Variants in RARB observed in about 807,000 individuals in gnomAD.
RARB encodes HBV-activated protein.
Under a neutral mutation model 51.9 loss-of-function variants are expected in RARB, and 17 were observed. That is an observed-to-expected ratio of 0.33 (90% CI 0.22 to 0.49). The LOEUF (loss-of-function observed/expected upper bound fraction) is 0.49, where lower values mean the gene tolerates loss of function less well. Among genes scored for constraint, RARB ranks in the 20% least tolerant of loss-of-function variants. The pLI, the probability that RARB is intolerant of heterozygous loss-of-function variation, is 0.99. For missense variants in RARB, 369 were observed against 550.8 expected (o/e 0.67, Z 3.30); for synonymous variants, 215 against 195.4 (o/e 1.10, Z -0.84).
chr3:25,171,433 C>A (rs1700642457), intron 4 of RARB, among the ~76,000 whole-genome samples: 3 of 109,068 alleles, frequency 2.8e-5, no homozygotes, highest in Non-Finnish European at 5.2e-5. Context: ...ATTTTCTCGA[C>A]ACATTGATTT....
Position 25,596,732 on chromosome 3 carries a change from A to C in RARB, c.*116A>C. On this transcript the variant is annotated 3_prime_UTR_variant, in exon 8 of 8. Transcript: ENST00000330688. ...TTGGACTGAAAAGATATTAAAACTC[A>C]AGAAGGACCAAGAAGTTTTCATATG... is the stretch of plus-strand genomic sequence containing the variant. The C allele has an allele frequency of 1.1e-6, 1 of 877,476 alleles. No individual in the cohort carries two copies. Among genetic ancestry groups the C allele is most frequent in the Non-Finnish European group, 1.7e-6 (1 of 589,922 alleles). 54.4% of individuals were successfully genotyped at this position (877,476 alleles called of 1,614,324 possible).
intron 3 of RARB, among the ~76,000 whole-genome samples, chr3:25,501,744 G>A (rs964820860): frequency 6.6e-6 from 1 of 152,194 alleles, no homozygotes; most frequent in Non-Finnish European, 1.5e-5. Context: ...TTTTTTAGGA[G>A]GGAAGGATTG....
chr3:25,537,857 A>G (rs1342986893), intron 3 of RARB, among the ~76,000 whole-genome samples: 1 of 152,152 alleles, frequency 6.6e-6, no homozygotes, highest in Admixed American at 6.5e-5. Flanking sequence ...CTCCTCACAG[A>G]CAGACCCCAA....
chr3:25,128,738 C>G (rs939788425), intron 3 of RARB, among the ~76,000 whole-genome samples: 3 of 151,414 alleles, frequency 2.0e-5, no homozygotes. Context: ...ACAGTCCTCT[C>G]AATGAAAACA....
chr3:25,116,023 G>A (rs557830788), intron 3 of RARB, among the ~76,000 whole-genome samples: 2 of 152,230 alleles, frequency 1.3e-5, no homozygotes, highest in Admixed American at 1.3e-4. Flanking sequence ...GTGACTATCT[G>A]CTTTCTTGAC....
At chr3:25,060,698 CAT>C (rs1408421012) in intron 3 of RARB, among the ~76,000 whole-genome samples, 1 of 151,752 alleles carries the variant, frequency 6.6e-6, no homozygotes, top group African/African-American at 2.4e-5. Flanking sequence ...GAAGGGGAAA[CAT>C]AAAGTTTATC....
intron 1 of RARB, among the ~76,000 whole-genome samples, chr3:25,444,591 C>T (rs1481061152): frequency 6.6e-6 from 1 of 152,148 alleles, no homozygotes; most frequent in African/African-American, 2.4e-5. Flanking sequence ...GATCTAAACC[C>T]TCCTTTAGTG....
chr3:25,127,225 G>C (rs781541658), intron 3 of RARB, among the ~76,000 whole-genome samples: 1 of 152,124 alleles, frequency 6.6e-6, no homozygotes, highest in Non-Finnish European at 1.5e-5. Flanking sequence ...ACCCATGACT[G>C]TGGCATACAA....
At chr3:25,022,926 C>T (rs1004833896) in intron 2 of RARB, among the ~76,000 whole-genome samples, 5 of 152,114 alleles carry the variant, frequency 3.3e-5, no homozygotes, top group Non-Finnish European at 5.9e-5. Context: ...AACTAAGGAG[C>T]TTTATATTCA....
At chr3:25,153,683 C>T (rs897538111) in intron 4 of RARB, among the ~76,000 whole-genome samples, 1 of 152,162 alleles carries the variant, frequency 6.6e-6, no homozygotes, top group African/African-American at 2.4e-5. Context: ...GCCTAATATA[C>T]ATTAACAATG....
chr3:24,838,363 A>T (rs960580628), intron 1 of RARB, among the ~76,000 whole-genome samples: 3 of 152,194 alleles, frequency 2.0e-5, no homozygotes, highest in Non-Finnish European at 4.4e-5. Flanking sequence ...TTTGCCATGA[A>T]AGGTAACTTA....
chr3:24,899,438 G>C (rs766103027), intron 2 of RARB, among the ~76,000 whole-genome samples: 1 of 152,120 alleles, frequency 6.6e-6, no homozygotes, highest in African/African-American at 2.4e-5. Flanking sequence ...TTGTGGAAAG[G>C]TTCCGTCACT....
chr3:25,360,967 C>G (rs1559371435), intron 5 of RARB, among the ~76,000 whole-genome samples: 2 of 152,102 alleles, frequency 1.3e-5, no homozygotes, highest in Non-Finnish European at 2.9e-5. Flanking sequence ...TGGAGTTGCT[C>G]TTCTCAAGGA....
At chr3:25,212,806 T>G (rs1407835457) in intron 5 of RARB, among the ~76,000 whole-genome samples, 1 of 152,204 alleles carries the variant, frequency 6.6e-6, no homozygotes, top group Non-Finnish European at 1.5e-5. Flanking sequence ...ATTGTTAGCT[T>G]GAACTCCATT....
At chr3:24,830,541 G>A (rs1481703760) in intron 1 of RARB, among the ~76,000 whole-genome samples, 1 of 151,156 alleles carries the variant, frequency 6.6e-6, no homozygotes, top group East Asian at 2.0e-4. Context: ...TCAGCGCGGG[G>A]TGAGTTTCCC....
chr3:25,025,579 A>G (rs1384308382), intron 2 of RARB, among the ~76,000 whole-genome samples: 1 of 152,182 alleles, frequency 6.6e-6, no homozygotes, highest in Non-Finnish European at 1.5e-5. Context: ...ACAGATAAAC[A>G]TAAGGCCAGG....
chr3:25,021,084 T>G (rs904859456), intron 2 of RARB, among the ~76,000 whole-genome samples: 1 of 152,232 alleles, frequency 6.6e-6, no homozygotes, highest in Non-Finnish European at 1.5e-5. Context: ...AATTATTAGA[T>G]TATGAAAATG....
chr3:25,106,794 AAAG>A (rs1029660700), intron 3 of RARB, among the ~76,000 whole-genome samples: 5 of 152,098 alleles, frequency 3.3e-5, no homozygotes, highest in Non-Finnish European at 7.4e-5. Flanking sequence ...CAGCTATTGA[AAAG>A]AACAATTATA....
rs939877070 is a variant in RARB at position 25,032,900 on chromosome 3, T to C, written c.-379-27225T>C. ...AAAAAATAGTTCAATTGTCATTTCG[T>C]GGGACAATACATTACCTCATGCAAT... On this transcript the variant is annotated intron_variant, in intron 2 of 11. Transcript: ENST00000383772. Among the ~76,000 whole-genome samples the C allele has an allele frequency of 7.9e-5, 12 of 152,346 alleles. No homozygotes were observed. The East Asian group carries it at 1.9e-3, about 24-fold the overall frequency.
Sources: gnomAD v4.1 joint callset for allele counts (sites outside exome capture counted in the v4.1 genomes callset) on GRCh38, gnomAD v4.1.1 for gene constraint, MANE v1.5 for transcripts, NCBI Gene and HGNC (gene_info 2026-07-23, HGNC 2026-07-21) for gene names.